ADK: variants seen among roughly 807,000 people sequenced by gnomAD.
The protein encoded by ADK is N6,N6-dimethyladenosine kinase.
A neutral mutation model predicts 44.7 loss-of-function variants in ADK; 24 were observed. The ratio of observed to expected loss-of-function variants is 0.54; its 90% CI spans 0.39 to 0.76. The LOEUF is 0.76. Among genes scored for constraint, ADK ranks in the 30% least tolerant of loss-of-function variants. The pLI is 0.00. For missense variants in ADK, 321 were observed against 425.1 expected (o/e 0.76, Z 2.15); for synonymous variants, 128 against 142.6 (o/e 0.90, Z 0.73).
chr10:74,245,107 A>G (rs1159569899), intron 3 of ADK, among the ~76,000 whole-genome samples: 2 of 152,206 alleles, frequency 1.3e-5, no homozygotes, highest in African/African-American at 4.8e-5. Flanking sequence ...GGCATGTGTG[A>G]AATTAGAGAT....
At chr10:74,205,849 C>T (rs7072012) in intron 2 of ADK, among the ~76,000 whole-genome samples, 2,787 of 152,072 alleles carry the variant, frequency 0.018, 91 homozygotes, top group African/African-American at 0.064. Flanking sequence ...ACCTAGGTAA[C>T]TATGTCGATA....
intron 1 of ADK, among the ~76,000 whole-genome samples, chr10:74,189,679 A>G (rs865956434): frequency 6.6e-6 from 1 of 152,226 alleles, no homozygotes; most frequent in Non-Finnish European, 1.5e-5. Context: ...TTGTACAGCC[A>G]TCGGCACTAT....
chr10:74,479,200 G>T (rs1479069663), intron 6 of ADK, among the ~76,000 whole-genome samples: 1 of 150,780 alleles, frequency 6.6e-6, no homozygotes, highest in Non-Finnish European at 1.5e-5. Context: ...GGTTTCACCA[G>T]TTGCCCAGGC....
At chr10:74,343,634 G>T (rs966763773) in intron 4 of ADK, among the ~76,000 whole-genome samples, 9 of 152,150 alleles carry the variant, frequency 5.9e-5, no homozygotes, top group African/African-American at 2.2e-4. Flanking sequence ...TTGAGACGGA[G>T]TTTCGCTCTT....
intron 6 of ADK, among the ~76,000 whole-genome samples, chr10:74,431,495 C>T (rs1186623560): frequency 6.6e-6 from 1 of 152,136 alleles, no homozygotes; most frequent in Non-Finnish European, 1.5e-5. Context: ...AATCCCAACA[C>T]TTTGGGAGGC....
At chr10:74,240,372 T>TTGTGTG (rs142465407) in intron 3 of ADK, among the ~76,000 whole-genome samples, 2,103 of 147,074 alleles carry the variant, frequency 0.014, 26 homozygotes, top group Admixed American at 0.032. Flanking sequence ...TCCTTTTATT[T>TTGTGTG]TGTGTGTGTG....
chr10:74,575,750 GT>G (rs926742894), intron 7 of ADK, among the ~76,000 whole-genome samples: 6 of 152,136 alleles, frequency 3.9e-5, no homozygotes, highest in Non-Finnish European at 8.8e-5. Flanking sequence ...GCAGTAGTTA[GT>G]TTTTTCAAGC....
intron 6 of ADK, among the ~76,000 whole-genome samples, chr10:74,508,817 A>G (rs1848183874): frequency 6.6e-6 from 1 of 152,052 alleles, no homozygotes; most frequent in East Asian, 1.9e-4. Flanking sequence ...TTAAGACTGT[A>G]TTGTGTTATT....
intron 7 of ADK, among the ~76,000 whole-genome samples, chr10:74,539,414 G>A (rs904872255): frequency 1.3e-5 from 2 of 152,124 alleles, no homozygotes; most frequent in Non-Finnish European, 2.9e-5. Flanking sequence ...CAAAAGAGAT[G>A]ATCTTTTCTT....
intron 4 of ADK, among the ~76,000 whole-genome samples, chr10:74,350,997 G>A (rs1172359984): frequency 1.3e-5 from 2 of 152,162 alleles, no homozygotes; most frequent in African/African-American, 4.8e-5. Context: ...TCTACCAGAG[G>A]TTCAAAGAGG....
intron 6 of ADK, among the ~76,000 whole-genome samples, chr10:74,414,052 A>G (rs781662855): frequency 6.6e-6 from 1 of 152,224 alleles, no homozygotes; most frequent in Non-Finnish European, 1.5e-5. Context: ...CAAAACAATT[A>G]CAATAATAAT....
chr10:74,281,391 C>T (rs1244666485), intron 3 of ADK, among the ~76,000 whole-genome samples: 1 of 152,184 alleles, frequency 6.6e-6, no homozygotes, highest in Non-Finnish European at 1.5e-5. Flanking sequence ...GGGAAGTTCC[C>T]CACTTTTTTG....
intron 7 of ADK, among the ~76,000 whole-genome samples, chr10:74,529,981 A>G (rs1489399173): frequency 6.6e-6 from 1 of 152,180 alleles, no homozygotes; most frequent in Non-Finnish European, 1.5e-5. Context: ...AGATAAAGCT[A>G]TATTTGCATA....
intron 10 of ADK, among the ~76,000 whole-genome samples, chr10:74,701,065 C>A (rs1049840480): frequency 1.3e-5 from 2 of 151,998 alleles, no homozygotes; most frequent in Non-Finnish European, 2.9e-5. Flanking sequence ...GGATTTTTTT[C>A]TTTTAAAGTT....
chr10:74,659,443 TAA>T (rs1378390298), intron 9 of ADK, among the ~76,000 whole-genome samples: 3 of 152,120 alleles, frequency 2.0e-5, no homozygotes, highest in African/African-American at 7.2e-5. Context: ...ATGAACAAAC[TAA>T]GAGATTTTAC....
intron 6 of ADK, among the ~76,000 whole-genome samples, chr10:74,455,586 T>G (rs1257186824): frequency 6.6e-6 from 1 of 152,092 alleles, no homozygotes; most frequent in Non-Finnish European, 1.5e-5. Flanking sequence ...CTCGGCTCAG[T>G]GCAACCTCTG....
Position 74,599,222 on chromosome 10 carries a change from G to A in ADK, c.763-1157G>A, listed in dbSNP as rs1446948930. 4.1e-4 allele frequency among the ~76,000 whole-genome samples: 63 copies of A among 152,186 alleles called. 1 individual carries two copies. The highest frequency in any genetic ancestry group is 7.4e-5 in the Non-Finnish European group (5 of 68,020). ...TTTCAGAAACAACTGTCCTCTAGAA[G>A]TCATCCTGTTAGGTATATTAGAAGC... On this transcript the variant is annotated intron_variant, in intron 8 of 10. Coordinates refer to ENST00000539909, the MANE Select transcript of ADK (RefSeq NM_006721.4).
intron 10 of ADK, among the ~76,000 whole-genome samples, chr10:74,670,955 T>G (rs945277600): frequency 1.0e-4 from 15 of 149,998 alleles, no homozygotes; most frequent in Non-Finnish European, 2.2e-4. Context: ...TCTAGAAAGC[T>G]TTCGCTTCCT....
At chr10:74,548,252 G>A (rs958237382) in intron 7 of ADK, among the ~76,000 whole-genome samples, 1 of 151,608 alleles carries the variant, frequency 6.6e-6, no homozygotes, top group African/African-American at 2.4e-5. Flanking sequence ...AATAAACTTT[G>A]TAAATAAATC....
Sources: gnomAD v4.1 joint callset for allele counts (sites outside exome capture counted in the v4.1 genomes callset) on GRCh38, gnomAD v4.1.1 for gene constraint, MANE v1.5 for transcripts, NCBI Gene and HGNC (gene_info 2026-07-23, HGNC 2026-07-21) for gene names.